The following DNAH11 variants were observed in gnomAD, a reference collection of about 807,000 sequenced individuals.
The protein encoded by DNAH11 is dynein axonemal heavy chain 11, also known as axonemal beta dynein heavy chain 11.
DNAH11 carries 442 observed loss-of-function variants against 526.0 expected under a neutral mutation model. The observed-to-expected ratio is 0.84, with a 90% confidence interval of 0.78 to 0.91. The LOEUF is 0.91. Ranked by LOEUF, DNAH11 falls within the 40% of genes least tolerant of loss-of-function variation. The pLI is 0.00. For synonymous variants in DNAH11, 2,461 were observed against 1,935.9 expected (o/e 1.27, Z -7.12); for missense variants, 6,989 against 5,448.7 (o/e 1.28, Z -8.90).
At chr7:21,685,357 T>C (rs940978510) in intron 32 of DNAH11, among the ~76,000 whole-genome samples, 1 of 152,222 alleles carries the variant, frequency 6.6e-6, no homozygotes, top group African/African-American at 2.4e-5. Context: ...TTTATCATTA[T>C]GTGAGGCCTG....
At chr7:21,737,916 C>G (rs1040948663) in intron 46 of DNAH11, among the ~76,000 whole-genome samples, 6 of 152,082 alleles carry the variant, frequency 3.9e-5, no homozygotes, top group African/African-American at 1.4e-4. Flanking sequence ...GGGTCTGCTT[C>G]TTGGAAAAGG....
chr7:21,697,596 G>A (rs551856235), intron 35 of DNAH11, among the ~76,000 whole-genome samples: 1 of 152,192 alleles, frequency 6.6e-6, no homozygotes, highest in South Asian at 2.1e-4. Context: ...TCTGTATGGT[G>A]GTATACTTCT....
At chr7:21,873,529 C>T in intron 74 of DNAH11, 28 bp downstream of exon 74, 4 of 1,604,650 alleles carry the variant, frequency 2.5e-6, no homozygotes, top group Non-Finnish European at 2.6e-6. Flanking sequence ...GCTAGGCAGA[C>T]AATGAAGTCA....
intron 44 of DNAH11, 83 bp downstream of exon 44, chr7:21,720,939 A>G: frequency 6.6e-7 from 1 of 1,510,274 alleles, no homozygotes. Flanking sequence ...TGTGATCTGT[A>G]CCTTTTTGTT....
chr7:21,667,033 A>G (rs988410065), intron 30 of DNAH11, among the ~76,000 whole-genome samples: 5 of 152,154 alleles, frequency 3.3e-5, no homozygotes, highest in African/African-American at 7.2e-5. Flanking sequence ...AGAGGAAGCT[A>G]TTGCAATGGT....
At chr7:21,657,093 C>T (rs1297078271) in intron 29 of DNAH11, among the ~76,000 whole-genome samples, 2 of 152,182 alleles carry the variant, frequency 1.3e-5, no homozygotes, top group African/African-American at 4.8e-5. Flanking sequence ...TCTGTATAAG[C>T]AACTTATGCT....
chr7:21,684,720 G>A (rs1288252922), intron 32 of DNAH11, among the ~76,000 whole-genome samples: 1 of 152,188 alleles, frequency 6.6e-6, no homozygotes, highest in African/African-American at 2.4e-5. Flanking sequence ...GTATTTCAAG[G>A]GGGCAGGAGG....
At chr7:21,778,353 CTCT>C (rs2127982152) in intron 56 of DNAH11, among the ~76,000 whole-genome samples, 1 of 152,204 alleles carries the variant, frequency 6.6e-6, no homozygotes, top group East Asian at 1.9e-4. Flanking sequence ...ACACAGTTTG[CTCT>C]TCTTAGCAGG....
chr7:21,870,490 C>G (rs17145802), intron 73 of DNAH11, among the ~76,000 whole-genome samples: 24,849 of 151,558 alleles, frequency 0.16, 4,046 homozygotes, highest in African/African-American at 0.42. Flanking sequence ...CAGGAGGGTT[C>G]GCTTTTTCAG....
rs59727118 is a variant in DNAH11, at chr7:21,594,063, TACACACACACACACAC to T, written c.2667+2507_2667+2522del. 4.8e-4 allele frequency among the ~76,000 whole-genome samples: 66 copies of T among 137,616 alleles called. 1 individual carries two copies. The East Asian group carries it at 0.014, about 30-fold the overall frequency. The allele number at this position is 137,616 out of a possible 152,430, so 90.3% of individuals were successfully genotyped here. A position where few individuals can be genotyped will look rare whatever the true frequency, so the allele number is the denominator to read the frequency against. On this transcript the variant is annotated intron_variant, in intron 14 of 81. Coordinates refer to ENST00000409508, the MANE Select transcript of DNAH11 (RefSeq NM_001277115.2). ...TCATGCACACTCTTTCATACACACA[TACACACACACACACAC>T]ACACACACACACACACACACTCTGA...
chr7:21,820,026 C>A (rs1583734171), intron 65 of DNAH11, among the ~76,000 whole-genome samples: 1 of 152,158 alleles, frequency 6.6e-6, no homozygotes, highest in Admixed American at 6.5e-5. Context: ...CTCCTAAACC[C>A]TTATGTGTGG....
chr7:21,587,725 G>C (rs905559216), intron 9 of DNAH11, among the ~76,000 whole-genome samples: 4 of 152,112 alleles, frequency 2.6e-5, no homozygotes, highest in African/African-American at 9.7e-5. Flanking sequence ...ACAATAACAA[G>C]TATGTGAATC....
Position 21,591,382 on chromosome 7 carries a change from GCA to G in DNAH11, c.2475_2476del (p.His825GlnfsTer3). On this transcript the variant is annotated frameshift_variant, in exon 14 of 82. Coordinates refer to ENST00000409508, the MANE Select transcript of DNAH11 (RefSeq NM_001277115.2). LOFTEE classifies it high-confidence loss of function. ...RVRAATSELE[H>X]RVERTQKNVK... ...TGAGGGCAGCCACGTCCGAGTTGGA[GCA>G]CAGAGTTGAGCGCACACAGAAAAAC... 1.2e-6 allele frequency: 2 copies of G among 1,613,934 alleles called. No homozygotes were observed.
chr7:21,785,898 C>A (rs1788153934), intron 58 of DNAH11, among the ~76,000 whole-genome samples: 1 of 152,192 alleles, frequency 6.6e-6, no homozygotes, highest in Non-Finnish European at 1.5e-5. Context: ...TATTATGTAG[C>A]ACATAAAGTA....
chr7:21,672,868 T>C (rs1462890912), intron 30 of DNAH11, among the ~76,000 whole-genome samples: 4 of 152,304 alleles, frequency 2.6e-5, no homozygotes, highest in Non-Finnish European at 5.9e-5. Flanking sequence ...AACCACTGCT[T>C]CTCTCTGACC....
chr7:21,659,592 A>G (rs1782158568), intron 30 of DNAH11, among the ~76,000 whole-genome samples: 1 of 152,092 alleles, frequency 6.6e-6, no homozygotes, highest in African/African-American at 2.4e-5. Context: ...TTATAGAATC[A>G]GAGTATATTA....
chr7:21,893,306 G>C (rs779254545), intron 77 of DNAH11, among the ~76,000 whole-genome samples: 1 of 152,184 alleles, frequency 6.6e-6, no homozygotes, highest in South Asian at 2.1e-4. Context: ...CCAGCAGTGC[G>C]TGTGAGTTCC....
chr7:21,619,929 C>A, intron 24 of DNAH11, 27 bp from the exon 25 acceptor site: 1 of 1,294,806 alleles, frequency 7.7e-7, no homozygotes, highest in South Asian at 1.4e-5. Flanking sequence ...AAATTTTGTG[C>A]ACATTAATTA....
At chr7:21,596,655 C>T (rs944484271) in intron 14 of DNAH11, among the ~76,000 whole-genome samples, 1 of 152,130 alleles carries the variant, frequency 6.6e-6, no homozygotes, top group Non-Finnish European at 1.5e-5. Flanking sequence ...GATGAAAATG[C>T]ATTAAAAGTA....
Sources: gnomAD v4.1 joint callset for allele counts (sites outside exome capture counted in the v4.1 genomes callset) on GRCh38, gnomAD v4.1.1 for gene constraint, MANE v1.5 for transcripts, NCBI Gene and HGNC (gene_info 2026-07-23, HGNC 2026-07-21) for gene names.